The following PIAS4 variants were observed in gnomAD, a reference collection of about 807,000 sequenced individuals.
PIAS4 encodes the protein protein inhibitor of activated STAT 4, also known as E3 SUMO-protein ligase PIAS4.
A neutral mutation model predicts 58.0 loss-of-function variants in PIAS4; 7 were observed. The observed-to-expected ratio is 0.12, with a 90% confidence interval of 0.07 to 0.23. The LOEUF (loss-of-function observed/expected upper bound fraction) is 0.23. Among genes scored for constraint, PIAS4 ranks in the 10% least tolerant of loss-of-function variants. The pLI, the probability that PIAS4 is intolerant of heterozygous loss-of-function variation, is 1.00. For missense variants in PIAS4, 550 were observed against 709.5 expected (o/e 0.78, Z 2.55); for synonymous variants, 364 against 312.4 (o/e 1.17, Z -1.74).
intron 9 of PIAS4, among the ~76,000 whole-genome samples, chr19:4,035,878 C>G: frequency 6.8e-6 from 1 of 147,346 alleles, no homozygotes; most frequent in Non-Finnish European, 1.5e-5. Context: ...GTCTCACACA[C>G]ACACCCGCAC....
chr19:4,014,971 G>T (rs372518493), intron 2 of PIAS4, among the ~76,000 whole-genome samples: 1 of 152,206 alleles, frequency 6.6e-6, no homozygotes, highest in Non-Finnish European at 1.5e-5. Flanking sequence ...GGCAGCCGAG[G>T]CTCCTCCCTC....
chr19:4,024,152 A>ACC, intron 3 of PIAS4, 32 bp downstream of exon 3: 1 of 1,467,796 alleles, frequency 6.8e-7, no homozygotes, highest in Admixed American at 1.7e-5. Context: ...CCAGCACCCC[A>ACC]CCGCCCGCCC....
intron 9 of PIAS4, among the ~76,000 whole-genome samples, chr19:4,036,772 T>TCACA (rs375454896): frequency 2.4e-5 from 3 of 123,646 alleles, no homozygotes; most frequent in Admixed American, 1.5e-4. Context: ...GTCTACACCG[T>TCACA]CACACACACA....
At chr19:4,026,177 G>C (rs2040162492) in intron 3 of PIAS4, among the ~76,000 whole-genome samples, 1 of 146,480 alleles carries the variant, frequency 6.8e-6, no homozygotes, top group Non-Finnish European at 1.5e-5. Flanking sequence ...TCTGTCGCCA[G>C]GCTGGAGTGC....
chr19:4,008,987 G>A (rs2039968752), intron 1 of PIAS4, among the ~76,000 whole-genome samples: 1 of 152,098 alleles, frequency 6.6e-6, no homozygotes. Context: ...CTCCTAGCTT[G>A]GAACCACTTT....
chr19:4,023,994 GC>G, intron 2 of PIAS4, 41 bp from the exon 3 acceptor site: 1 of 1,405,488 alleles, frequency 7.1e-7, no homozygotes, highest in Non-Finnish European at 1.0e-6. Flanking sequence ...CGGGGGACCT[GC>G]CAGGGACCAG....
At chr19:4,007,846 C>G in intron 1 of PIAS4, 59 bp downstream of exon 1, 1 of 1,181,116 alleles carries the variant, frequency 8.5e-7, no homozygotes, top group Non-Finnish European at 1.1e-6. Context: ...GGGGCCGGGC[C>G]GCAGGTCGAG....
rs145838130 is a variant in PIAS4, at chr19:4,028,788, C to T, written c.741C>T (p.His247=). The change falls in exon 6 of 11, where the codon CAC becomes CAT. Residue 247 remains histidine (H), a synonymous_variant. Transcript: ENST00000262971. ...KRPCRPINLT[H]LMYLSSATNR... ...CGTGCCGCCCCATCAACCTCACCCA[C>T]CTCATGTACCTGTCCTCGGCCACCA... is the stretch of plus-strand genomic sequence containing the variant. The T allele has an allele frequency of 3.7e-6, 6 of 1,613,510 alleles. No homozygotes were observed. The African/African-American group carries it at 4.0e-5, about 11-fold the overall frequency.
rs1442089986 is a variant in PIAS4 at position 4,037,481 on chromosome 19, C to T, written c.1250C>T (p.Pro417Leu). 9 of 1,610,954 alleles carry T rather than the reference C, an allele frequency of 5.6e-6. No homozygotes were observed. The highest frequency in any genetic ancestry group is 3.3e-5 in the Admixed American group (2 of 59,904). ...IRAEKERSCSPQGAILVLGPS... is the reference protein window; with the variant it reads ...IRAEKERSCSLQGAILVLGPS... The stretch of plus-strand genomic sequence containing the variant: ...GCCGAAAAGGAGCGCAGCTGCAGCC[C>T]GCAGGGCGCCATCCTCGTGCTGGGT... Residue 417 changes from proline to leucine, a missense_variant, in exon 10 of 11, where the codon CCG becomes CTG. Pro to Leu is a moderately conservative substitution (Grantham distance 98). Coordinates refer to ENST00000262971, the MANE Select transcript of PIAS4 (RefSeq NM_015897.4). The surrounding 1 kb of genome is among the most constrained non-coding windows in gnomAD (Gnocchi z 5.8).
At chr19:4,028,209 AC>A in intron 4 of PIAS4, 22 bp downstream of exon 4, 1 of 1,603,320 alleles carries the variant, frequency 6.2e-7, no homozygotes. Flanking sequence ...TGTGCCCGCG[AC>A]CCCAGGGCTG....
chr19:4,030,424 CCTGG>C (rs2040212743), intron 7 of PIAS4, among the ~76,000 whole-genome samples: 1 of 151,982 alleles, frequency 6.6e-6, no homozygotes, highest in Non-Finnish European at 1.5e-5. Context: ...GCAACACCAT[CCTGG>C]CTAATATGGT....
At chr19:4,029,455 C>G (rs1029427718) in intron 7 of PIAS4, among the ~76,000 whole-genome samples, 1 of 152,160 alleles carries the variant, frequency 6.6e-6, no homozygotes. Context: ...GGGTCACGGA[C>G]GGCCAGGGTC....
chr19:4,007,736 G>A lies in PIAS4; in HGVS notation c.-25G>A, dbSNP rs1234747908. On this transcript the variant is annotated 5_prime_UTR_variant, in exon 1 of 11. Coordinates refer to ENST00000262971, the MANE Select transcript of PIAS4 (RefSeq NM_015897.4). The stretch of plus-strand genomic sequence containing the variant: ...CGTGACGCGACGGCTGGGGGCTCCC[G>A]GCGCGGGGGACGCTGGTGACCAAGA... The A allele has an allele frequency of 1.6e-6, 2 of 1,213,730 alleles. No homozygotes were observed. Among genetic ancestry groups the A allele is most frequent in the African/African-American group, 3.2e-5 (2 of 63,096 alleles). 75.2% of individuals were successfully genotyped at this position (1,213,730 alleles called of 1,614,324 possible). A position where few individuals can be genotyped will look rare whatever the true frequency, so the allele number is the denominator to read the frequency against.
Position 4,038,031 on chromosome 19 carries a change from G to T in PIAS4, c.*156G>T. ...CTGGCTCCTGGCACCTGTACCTCTG[G>T]ACTCTCCTATCGGGGGATTAAAAAA... is the stretch of plus-strand genomic sequence containing the variant. On this transcript the variant is annotated 3_prime_UTR_variant, in exon 11 of 11. Transcript: ENST00000262971. This position sits in a 1 kb window ranked among gnomAD's most constrained non-coding sequence, Gnocchi z 4.1. 1.5e-6 allele frequency: 1 copy of T among 678,994 alleles called. No homozygotes were observed. Among genetic ancestry groups the T allele is most frequent in the Non-Finnish European group, 2.4e-6 (1 of 411,716 alleles). The allele number at this position is 678,994 out of a possible 1,614,324, so 42.1% of individuals were successfully genotyped here. A position where few individuals can be genotyped will look rare whatever the true frequency, so the allele number is the denominator to read the frequency against.
At chr19:4,007,836 G>A in intron 1 of PIAS4, 49 bp downstream of exon 1, 4 of 1,194,792 alleles carry the variant, frequency 3.3e-6, no homozygotes, top group Non-Finnish European at 4.2e-6. Flanking sequence ...CGAGAGGGCG[G>A]GGGCCGGGCC....
At chr19:4,019,022 C>G (rs1237450538) in intron 2 of PIAS4, among the ~76,000 whole-genome samples, 1 of 151,924 alleles carries the variant, frequency 6.6e-6, no homozygotes. Context: ...TCCCAGGGGG[C>G]GGGCTCTGGC....
intron 1 of PIAS4, among the ~76,000 whole-genome samples, chr19:4,009,732 G>C (rs1318760775): frequency 6.6e-6 from 1 of 152,254 alleles, no homozygotes; most frequent in East Asian, 1.9e-4. Flanking sequence ...CTTTACAGGG[G>C]CCTTCCCCAG....
intron 2 of PIAS4, among the ~76,000 whole-genome samples, chr19:4,021,954 G>A (rs545809412): frequency 6.6e-6 from 1 of 151,904 alleles, no homozygotes; most frequent in African/African-American, 2.4e-5. Context: ...TCACTTTGTT[G>A]CCCAGGCTGG....
In PIAS4 at chr19:4,037,383, G is replaced by A. The variant is rs147487934; in HGVS notation, c.1152G>A (p.Ser384=). Residue 384 remains serine (S), a synonymous_variant, in exon 10 of 11, where the codon TCG becomes TCA. Coordinates refer to ENST00000262971, the MANE Select transcript of PIAS4 (RefSeq NM_015897.4). The surrounding 1 kb of genome is among the most constrained non-coding windows in gnomAD (Gnocchi z 5.8). The stretch of plus-strand genomic sequence containing the variant: ...GTCCGCCTCGCCCCAGGCTCCTCTC[G>A]AAGATCCTGAGCGAGTGTGAGGACG... ...YDQLIIDGLL[S]KILSECEDAD... is the part of the protein sequence containing the mutation. 1.2e-4 allele frequency: 196 copies of A among 1,605,392 alleles called. No homozygotes were observed. The highest frequency in any genetic ancestry group is 6.9e-4 in the East Asian group (31 of 44,660).
Sources: gnomAD v4.1 joint callset for allele counts (sites outside exome capture counted in the v4.1 genomes callset) on GRCh38, gnomAD v4.1.1 for gene constraint, Gnocchi (gnomAD v3.1) non-coding constraint, MANE v1.5 for transcripts, NCBI Gene and HGNC (gene_info 2026-07-23, HGNC 2026-07-21) for gene names.